Variants in NUDT4 observed in about 807,000 individuals in gnomAD.
NUDT4 encodes the protein nudix hydrolase 4.
Under a neutral mutation model 23.1 loss-of-function variants are expected in NUDT4, and 5 were observed. The observed-to-expected ratio is 0.22, with a 90% CI of 0.11 to 0.46. The LOEUF (loss-of-function observed/expected upper bound fraction) is 0.46. Among genes scored for constraint, NUDT4 ranks in the 20% least tolerant of loss-of-function variants. NUDT4 has a pLI of 0.99. For missense variants in NUDT4, 96 were observed against 211.6 expected (o/e 0.45, Z 3.39); for synonymous variants, 50 against 79.0 (o/e 0.63, Z 1.95).
chr12:93,387,870 C>G (rs944413055), intron 1 of NUDT4, among the ~76,000 whole-genome samples: 7 of 152,106 alleles, frequency 4.6e-5, no homozygotes, highest in Admixed American at 3.3e-4. Flanking sequence ...TTTTTCCACC[C>G]TGGCAGACAT....
rs565923810 is a variant in NUDT4 at position 93,402,926 on chromosome 12, A to C, written c.*3547A>C. The C allele has an allele frequency of 1.3e-5, 2 of 152,230 alleles. No homozygotes were observed. The highest frequency in any genetic ancestry group is 6.5e-5 in the Admixed American group (1 of 15,304). 9.4% of individuals were successfully genotyped at this position (152,230 alleles called of 1,614,324 possible). ...AATCCTTAAGTCCTGTTCAAGTGTC[A>C]CTTCATTTTTTATTAGGGGTTTCTT... is the stretch of plus-strand genomic sequence containing the variant. On this transcript the variant is annotated 3_prime_UTR_variant, in exon 5 of 5. Transcript: ENST00000415493.
intron 1 of NUDT4, chr12:93,378,747 C>T (rs1875402540): frequency 4.8e-6 from 5 of 1,051,002 alleles, no homozygotes; most frequent in Non-Finnish European, 4.6e-6. Context: ...GAGTTGAAAG[C>T]CGGATAAACC....
Position 93,395,496 on chromosome 12 carries a change from T to C in NUDT4, c.218T>C (p.Val73Ala). Reference sequence around the variant, plus strand: ...TTCATCTTTTTTTAATAGGCTGGAGTCAAAGGAAAACTAGGCAGACTTCTG... The same window carrying C: ...TTCATCTTTTTTTAATAGGCTGGAGCCAAAGGAAAACTAGGCAGACTTCTG... ...AVREVYEEAG[V>A]KGKLGRLLGI... Residue 73 changes from valine (V) to alanine (A), a missense_variant, in exon 3 of 5, where the codon GTC (valine) becomes GCC (alanine). Transcript: ENST00000415493. 6.2e-7 allele frequency: 1 copy of C among 1,605,838 alleles called. No homozygotes were observed. Among genetic ancestry groups the C allele is most frequent in the Non-Finnish European group, 8.5e-7 (1 of 1,172,886 alleles).
intron 1 of NUDT4, among the ~76,000 whole-genome samples, chr12:93,392,050 A>G (rs373584685): frequency 6.6e-6 from 1 of 151,564 alleles, no homozygotes; most frequent in Non-Finnish European, 1.5e-5. Context: ...CACCCAGCTA[A>G]TTTTTGTATT....
intron 1 of NUDT4, among the ~76,000 whole-genome samples, chr12:93,391,555 A>C: frequency 8.4e-6 from 1 of 119,336 alleles, no homozygotes. Flanking sequence ...ATAGGACGAG[A>C]CTCCATTTCA....
chr12:93,390,490 T>C (rs1300981545), intron 1 of NUDT4, among the ~76,000 whole-genome samples: 3 of 152,262 alleles, frequency 2.0e-5, no homozygotes, highest in Non-Finnish European at 4.4e-5. Flanking sequence ...ATTTGTAGTT[T>C]CTCTGTTGAA....
intron 1 of NUDT4, among the ~76,000 whole-genome samples, chr12:93,381,527 G>A (rs1312395469): frequency 6.6e-6 from 1 of 152,212 alleles, no homozygotes; most frequent in Non-Finnish European, 1.5e-5. Context: ...TGTAGGGAAA[G>A]GTTGGACAAG....
chr12:93,390,976 G>A (rs571103919), intron 1 of NUDT4, among the ~76,000 whole-genome samples: 1 of 152,216 alleles, frequency 6.6e-6, no homozygotes, highest in South Asian at 2.1e-4. Flanking sequence ...TTGAGAGAAG[G>A]GTGGGAGTTG....
chr12:93,381,114 T>A (rs1319060506), intron 1 of NUDT4: 1 of 152,248 alleles, frequency 6.6e-6, no homozygotes, highest in Non-Finnish European at 1.5e-5. Flanking sequence ...TGGCTTTATA[T>A]ATTAAATATT....
chr12:93,397,918 C>T (rs967562512), intron 3 of NUDT4, among the ~76,000 whole-genome samples: 1 of 152,092 alleles, frequency 6.6e-6, no homozygotes. Context: ...CTAAAGGAAG[C>T]AGTTTTCCAT....
At chr12:93,396,907 CTT>C (rs1380953814) in intron 3 of NUDT4, among the ~76,000 whole-genome samples, 1 of 152,198 alleles carries the variant, frequency 6.6e-6, no homozygotes, top group African/African-American at 2.4e-5. Flanking sequence ...AGAATTCAGT[CTT>C]TTCCAGAATT....
At chr12:93,385,184 T>C (rs1349399477) in intron 1 of NUDT4, 1 of 152,194 alleles carries the variant, frequency 6.6e-6, no homozygotes, top group Non-Finnish European at 1.5e-5. Flanking sequence ...TTTTTTCTGG[T>C]AATTATCTAA....
chr12:93,395,566 A>G lies in NUDT4; in HGVS notation c.255+33A>G, dbSNP rs199661445. 5 of 1,520,932 alleles carry G rather than the reference A, an allele frequency of 3.3e-6. No homozygotes were observed. In the East Asian group the frequency reaches 6.8e-5, roughly 21 times the overall value. The allele number at this position is 1,520,932 out of a possible 1,614,324, so 94.2% of individuals were successfully genotyped here. A position where few individuals can be genotyped will look rare whatever the true frequency, so the allele number is the denominator to read the frequency against. ...AAAAAGTAATCTTCACTTTGCTGAT[A>G]ATAGAATTAATGATTTCTTCCTAAC... On this transcript the variant is annotated intron_variant, in intron 3 of 4. Transcript: ENST00000415493.
At chr12:93,395,374 T>G in intron 2 of NUDT4, 115 bp from the exon 3 acceptor site, 1 of 733,912 alleles carries the variant, frequency 1.4e-6, no homozygotes, top group Non-Finnish European at 2.4e-6. Context: ...TGAGTTGGTA[T>G]GGGGAGGGGT....
chr12:93,379,502 G>A (rs919423630), intron 1 of NUDT4, among the ~76,000 whole-genome samples: 4 of 152,192 alleles, frequency 2.6e-5, no homozygotes. Flanking sequence ...ATATGACACA[G>A]AATACACTCA....
chr12:93,391,021 A>G (rs879332628), intron 1 of NUDT4, among the ~76,000 whole-genome samples: 18 of 152,150 alleles, frequency 1.2e-4, no homozygotes, highest in Admixed American at 2.0e-4. Context: ...CAGTTTGGAA[A>G]AGTTCCTGGT....
At position 93,403,528 on chromosome 12, in the gene NUDT4, C is replaced by T; in HGVS notation, c.*4149C>T. ...TAGAGACGGGGTTTCACCATATTGG[C>T]CAGGCTGGTCTCAAACTCCTGACCT... On this transcript the variant is annotated 3_prime_UTR_variant, in exon 5 of 5. Coordinates refer to ENST00000415493, the MANE Select transcript of NUDT4 (RefSeq NM_019094.6). The T allele has an allele frequency of 6.6e-6, 1 of 152,288 alleles. No individual in the cohort carries two copies. The allele number at this position is 152,288 out of a possible 1,614,324, so 9.4% of individuals were successfully genotyped here.
intron 1 of NUDT4, chr12:93,378,717 A>G (rs1047184804): frequency 1.1e-5 from 12 of 1,103,946 alleles, no homozygotes; most frequent in Non-Finnish European, 1.3e-5. Context: ...AGCGGGAGTC[A>G]CCATCTTAAC....
At chr12:93,398,558 G>A (rs182902318) in intron 3 of NUDT4, among the ~76,000 whole-genome samples, 14 of 152,218 alleles carry the variant, frequency 9.2e-5, no homozygotes, top group African/African-American at 3.4e-4. Context: ...CAGTAATGAT[G>A]AAGCTCTAGT....
Sources: gnomAD v4.1 joint callset for allele counts (sites outside exome capture counted in the v4.1 genomes callset) on GRCh38, gnomAD v4.1.1 for gene constraint, MANE v1.5 for transcripts, NCBI Gene and HGNC (gene_info 2026-07-23, HGNC 2026-07-21) for gene names.